WDR17: variants seen among roughly 807,000 people sequenced by gnomAD.
WDR17 encodes the protein WD repeat-containing protein 17.
WDR17 carries 143 observed loss-of-function variants against 161.7 expected under a neutral mutation model. The ratio of observed to expected loss-of-function variants is 0.88; its 90% CI spans 0.77 to 1.02. The LOEUF is 1.02. WDR17 is among the 50% of genes least tolerant of loss of function. The probability of loss-of-function intolerance (pLI) is 0.00; values close to 1 mark genes in which losing one functional copy is unlikely to be tolerated. For missense variants in WDR17, 1,469 were observed against 1,520.9 expected (o/e 0.97, Z 0.57); for synonymous variants, 517 against 515.6 (o/e 1.00, Z -0.04).
At chr4:176,167,656 A>AC (rs1554036528) in intron 22 of WDR17, among the ~76,000 whole-genome samples, 4 of 116,300 alleles carry the variant, frequency 3.4e-5, no homozygotes, top group Admixed American at 3.1e-4. Flanking sequence ...AAAAAAAAAA[A>AC]AAAAAAAAAA....
chr4:176,150,225 T>G (rs780667912), intron 15 of WDR17, 52 bp downstream of exon 15: 9 of 1,592,246 alleles, frequency 5.7e-6, no homozygotes, highest in Non-Finnish European at 7.7e-6. Context: ...CCAACATGAA[T>G]CATTACAACT....
intron 1 of WDR17, among the ~76,000 whole-genome samples, chr4:176,093,360 A>G (rs186739773): frequency 5.3e-5 from 8 of 152,280 alleles, no homozygotes; most frequent in African/African-American, 1.9e-4. Flanking sequence ...TGGAACCACA[A>G]AAGACCCAGA....
chr4:176,160,081 T>G lies in WDR17; in HGVS notation c.2613T>G (p.Phe871Leu), dbSNP rs774171600. The part of the protein sequence containing the change: ...AIGDVKKLVH[F>L]FMSRGQLKEA... ...GTGATGTGAAAAAGCTAGTCCATTTTTTCATGTCAAGAGGTCAGCTTAAAG... is the reference window on the plus strand; with the variant it reads ...GTGATGTGAAAAAGCTAGTCCATTTGTTCATGTCAAGAGGTCAGCTTAAAG... Residue 871 changes from phenylalanine to leucine, a missense_variant, in exon 19 of 29, where the codon TTT (phenylalanine) becomes TTG (leucine). Phe to Leu is a conservative substitution (Grantham distance 22). Transcript: ENST00000508596. 6.2e-7 allele frequency: 1 copy of G among 1,613,842 alleles called. No individual in the cohort carries two copies. The highest frequency in any genetic ancestry group is 1.3e-5 in the African/African-American group (1 of 74,932).
At chr4:176,070,537 T>C (rs2126543727) in intron 1 of WDR17, among the ~76,000 whole-genome samples, 1 of 152,298 alleles carries the variant, frequency 6.6e-6, no homozygotes, top group South Asian at 2.1e-4. Flanking sequence ...TTTTCTTTTT[T>C]TCTTCTGAGA....
intron 22 of WDR17, among the ~76,000 whole-genome samples, chr4:176,166,583 C>T (rs571990221): frequency 3.2e-4 from 48 of 152,208 alleles, no homozygotes; most frequent in African/African-American, 9.6e-4. Flanking sequence ...GCTAAAATTT[C>T]ACTGTATGAA....
chr4:176,125,466 A>C lies in WDR17; in HGVS notation c.790+111A>C, dbSNP rs920955611. The C allele has an allele frequency of 2.4e-5, 30 of 1,273,884 alleles. No homozygotes were observed. In the African/African-American group the frequency reaches 3.9e-4, roughly 17 times the overall value. 78.9% of individuals were successfully genotyped at this position (1,273,884 alleles called of 1,614,324 possible). ...TTTGTGTAAAATGTATTAATAGCTCAATTATTATTTATTGTAGTAAATTAC... is the reference window on the plus strand; with the variant it reads ...TTTGTGTAAAATGTATTAATAGCTCCATTATTATTTATTGTAGTAAATTAC... On this transcript the variant is annotated intron_variant, in intron 5 of 28. Coordinates refer to ENST00000508596, the MANE Select transcript of WDR17 (RefSeq NM_181265.4).
In WDR17 at chr4:176,162,103, G is replaced by A; in HGVS notation, c.2779G>A (p.Ala927Thr). ...CCTGCACAAAGTCAGTAAAGAACTG[G>A]CAGAATGGTATTTTCAAGATGGTCG... is the stretch of plus-strand genomic sequence containing the variant. ...ELLHKVSKEL[A>T]EWYFQDGRAV... Residue 927 changes from alanine (A) to threonine (T), a missense_variant, in exon 21 of 29, where the codon GCA becomes ACA. Transcript: ENST00000508596. 1 of 1,612,932 alleles carries A rather than the reference G, an allele frequency of 6.2e-7. No homozygotes were observed. The highest frequency in any genetic ancestry group is 1.1e-5 in the South Asian group (1 of 90,982).
At chr4:176,157,548 A>G (rs1195943872) in intron 18 of WDR17, among the ~76,000 whole-genome samples, 10 of 152,014 alleles carry the variant, frequency 6.6e-5, no homozygotes, top group Admixed American at 3.3e-4. Context: ...TCACAGCACA[A>G]TTGTGAATGT....
Position 176,174,714 on chromosome 4 carries a change from A to C in WDR17, c.3445A>C (p.Thr1149Pro). 1 of 1,598,616 alleles carries C rather than the reference A, an allele frequency of 6.3e-7. No individual in the cohort carries two copies. Among genetic ancestry groups the C allele is most frequent in the Non-Finnish European group, 8.5e-7 (1 of 1,170,502 alleles). Reference sequence around the variant, plus strand: ...CATTGTTCCAGCACTTTATGAGTACACAAGGTAAAAAAGGTTTTTTCCTCC... The same window carrying C: ...CATTGTTCCAGCACTTTATGAGTACCCAAGGTAAAAAAGGTTTTTTCCTCC... ...QSIVPALYEY[T>P]SQLLKRREVS... The change falls in exon 26 of 29, where the codon ACA becomes CCA. Residue 1149 changes from threonine (T) to proline (P), a missense_variant. Transcript: ENST00000508596.
In WDR17 at chr4:176,134,322, G is replaced by A. The variant is rs190144041; in HGVS notation, c.1099-786G>A. Among the ~76,000 whole-genome samples the A allele has an allele frequency of 3.6e-4, 55 of 151,702 alleles. 1 individual carries two copies. The East Asian group carries it at 9.7e-3, about 27-fold the overall frequency. On this transcript the variant is annotated intron_variant, in intron 7 of 28. Transcript: ENST00000508596. ...TCTCTAGATCCCAAATGTTAGTTTC[G>A]TTTGCTTAAAGTAGAAATTTCGATT...
At position 176,150,483 on chromosome 4, in the gene WDR17, G is replaced by C; in HGVS notation, c.2194G>C (p.Asp732His). 6.2e-7 allele frequency: 1 copy of C among 1,607,938 alleles called. No homozygotes were observed. Among genetic ancestry groups the C allele is most frequent in the Non-Finnish European group, 8.5e-7 (1 of 1,178,342 alleles). ...SECLSPPGGS[D>H]NLWNLVAVIK... ...AACTCTTTAGCCTCCAGGTGGCAGT[G>C]ACAATTTATGGAACTTGGTTGCTGT... Residue 732 changes from aspartate to histidine, a missense_variant, in exon 16 of 29, where the codon GAC becomes CAC. Coordinates refer to ENST00000508596, the MANE Select transcript of WDR17 (RefSeq NM_181265.4).
Position 176,107,819 on chromosome 4 carries a change from C to CCCTTCCTTCCTTCCTTT in WDR17, c.-6-3738_-6-3722dup, listed in dbSNP as rs1554020338. On this transcript the variant is annotated intron_variant, in intron 1 of 28. Coordinates refer to ENST00000508596, the MANE Select transcript of WDR17 (RefSeq NM_181265.4). Reference sequence around the variant, plus strand: ...TTTGGGTACTATTGATAGTGTTTTTCCCTTCCTTCCTTCCTTTCCTTCCTT... The same window carrying CCCTTCCTTCCTTCCTTT: ...TTTGGGTACTATTGATAGTGTTTTTCCCTTCCTTCCTTCCTTTCCTTCCTTCCTTCCTTTCCTTCCTT... Among the ~76,000 whole-genome samples, 532 of 150,072 alleles carry CCCTTCCTTCCTTCCTTT rather than the reference C, an allele frequency of 3.5e-3. 3 individuals carry two copies. The highest frequency in any genetic ancestry group is 0.012 in the African/African-American group (500 of 40,838).
Position 176,173,498 on chromosome 4 carries a change from A to G in WDR17, c.3347+129A>G, listed in dbSNP as rs202223273. 6 of 564,322 alleles carry G rather than the reference A, an allele frequency of 1.1e-5. 1 individual carries two copies. In the East Asian group the frequency reaches 1.9e-4, roughly 18 times the overall value. 35.0% of individuals were successfully genotyped at this position (564,322 alleles called of 1,614,324 possible). On this transcript the variant is annotated intron_variant, in intron 25 of 28. Transcript: ENST00000508596. The stretch of plus-strand genomic sequence containing the variant: ...AGGTAGCTACACTTGTAGAAATATT[A>G]TATTTTTGTTTGTTATATATTTTTT...
At chr4:176,168,497 G>C in intron 22 of WDR17, 175 bp from the exon 23 acceptor site, 1 of 644,368 alleles carries the variant, frequency 1.6e-6, no homozygotes, top group Non-Finnish European at 2.5e-6. Context: ...ATGACCTTTG[G>C]TTTGGGTAAT....
At chr4:176,132,316 TTGAA>T (rs1743596449) in intron 7 of WDR17, among the ~76,000 whole-genome samples, 2 of 152,164 alleles carry the variant, frequency 1.3e-5, no homozygotes, top group South Asian at 2.1e-4. Context: ...TTAAATTTTG[TTGAA>T]TGAATGAATG....
intron 1 of WDR17, among the ~76,000 whole-genome samples, chr4:176,105,162 G>A (rs1309667871): frequency 1.3e-5 from 2 of 151,938 alleles, no homozygotes; most frequent in Non-Finnish European, 2.9e-5. Context: ...TATTAATAAA[G>A]TTTCAATGCA....
chr4:176,163,025 A>G, intron 21 of WDR17, 129 bp from the exon 22 acceptor site: 1 of 1,165,672 alleles, frequency 8.6e-7, no homozygotes, highest in Non-Finnish European at 1.2e-6. Flanking sequence ...GGAATATTAC[A>G]GTCAATATTT....
intron 1 of WDR17, among the ~76,000 whole-genome samples, chr4:176,068,990 G>A (rs1208250729): frequency 6.6e-6 from 1 of 152,178 alleles, no homozygotes; most frequent in African/African-American, 2.4e-5. Context: ...GATCAGCTTT[G>A]TATAGTAAAA....
chr4:176,159,053 A>G (rs1748595047), intron 18 of WDR17, among the ~76,000 whole-genome samples: 1 of 152,182 alleles, frequency 6.6e-6, no homozygotes, highest in South Asian at 2.1e-4. Flanking sequence ...TGAGCTGGCA[A>G]ATATCATGAA....
Sources: gnomAD v4.1 joint callset for allele counts (sites outside exome capture counted in the v4.1 genomes callset) on GRCh38, gnomAD v4.1.1 for gene constraint, MANE v1.5 for transcripts, NCBI Gene and HGNC (gene_info 2026-07-23, HGNC 2026-07-21) for gene names.